MARCHF8: variants seen among roughly 807,000 people sequenced by gnomAD.
The protein encoded by MARCHF8 is E3 ubiquitin-protein ligase MARCHF8.
A neutral mutation model predicts 51.6 loss-of-function variants in MARCHF8; 40 were observed. The observed-to-expected ratio is 0.77, with a 90% CI of 0.60 to 1.01. The LOEUF (loss-of-function observed/expected upper bound fraction) is 1.01. Among genes scored for constraint, MARCHF8 ranks in the 50% least tolerant of loss-of-function variants. The pLI is 0.00. For missense variants in MARCHF8, 685 were observed against 708.6 expected (o/e 0.97, Z 0.38); for synonymous variants, 263 against 280.3 (o/e 0.94, Z 0.62).
In MARCHF8 at chr10:45,521,437, T is replaced by C. The variant is rs190158281; in HGVS notation, c.102+11673A>G. Among the ~76,000 whole-genome samples, 5 of 152,300 alleles carry C rather than the reference T, an allele frequency of 3.3e-5. No homozygotes were observed. The East Asian group carries it at 9.6e-4, about 29-fold the overall frequency. ...CCTTTCCTTCTTCAGAGTCGAAAAC[T>C]AGCTGCTCAGAAATGTGGGTGCATG... is the stretch of plus-strand genomic sequence containing the variant. On this transcript the variant is annotated intron_variant, in intron 2 of 7. Transcript: ENST00000453424.
In MARCHF8 at chr10:45,499,494, C is replaced by A. The variant is rs115071973; in HGVS notation, c.103-10077G>T. Among the ~76,000 whole-genome samples the A allele has an allele frequency of 6.7e-3, 1,025 of 152,160 alleles. 8 individuals are homozygous for A. The highest frequency in any genetic ancestry group is 0.024 in the African/African-American group (976 of 41,506). ...TTGCCTTTGCTTTTGGTGTCATATC[C>A]AAAAAATTTTTGCCAAATCCAAAGT... is the stretch of plus-strand genomic sequence containing the variant. On this transcript the variant is annotated intron_variant, in intron 2 of 7. Transcript: ENST00000453424.
chr10:45,527,709 T>G (rs1276039887), intron 2 of MARCHF8, among the ~76,000 whole-genome samples: 1 of 152,184 alleles, frequency 6.6e-6, no homozygotes, highest in Non-Finnish European at 1.5e-5. Flanking sequence ...CCAATCCTAT[T>G]GACAACACTG....
At chr10:45,516,678 C>T (rs1198872787) in intron 2 of MARCHF8, among the ~76,000 whole-genome samples, 3 of 152,084 alleles carry the variant, frequency 2.0e-5, no homozygotes, top group African/African-American at 4.8e-5. Context: ...GCAGGAGAAT[C>T]GCTTGAACCT....
chr10:45,589,605 T>C (rs1346018534), intron 1 of MARCHF8, among the ~76,000 whole-genome samples: 1 of 152,166 alleles, frequency 6.6e-6, no homozygotes, highest in African/African-American at 2.4e-5. Flanking sequence ...AGGCAACCAG[T>C]AATCTACTAT....
At chr10:45,540,761 C>T (rs1198196610) in intron 1 of MARCHF8, among the ~76,000 whole-genome samples, 12 of 152,200 alleles carry the variant, frequency 7.9e-5, no homozygotes, top group African/African-American at 1.9e-4. Flanking sequence ...GGGCGAAGGA[C>T]ATGAACAGAC....
At position 45,463,499 on chromosome 10, in the gene MARCHF8, G is replaced by A. The variant is rs1465254774; in HGVS notation, c.740C>T (p.Ala247Val). The stretch of plus-strand genomic sequence containing the variant: ...GCTTCGGGACGTGGCCTCACCATCC[G>A]CCTTCTCTTCCAGCAGCAGGCCGGG... ...GRPGLLLEEK[A>V]DGEATSRSRQ... Residue 247 changes from alanine to valine, a missense_variant, in exon 5 of 8, where the codon GCG becomes GTG. Physicochemically the swap from Ala to Val is moderately conservative, Grantham distance 64. Coordinates refer to ENST00000453424, the MANE Select transcript of MARCHF8 (RefSeq NM_001282866.2). 5.2e-6 allele frequency: 8 copies of A among 1,550,496 alleles called. No individual in the cohort carries two copies. Among genetic ancestry groups the A allele is most frequent in the East Asian group, 2.4e-5 (1 of 40,938 alleles).
chr10:45,458,647 G>T, intron 7 of MARCHF8, 104 bp from the exon 8 acceptor site: 1 of 1,267,856 alleles, frequency 7.9e-7, no homozygotes, highest in Non-Finnish European at 1.1e-6. Flanking sequence ...TGTTGTTGTT[G>T]TTGTTTTTTA....
Position 45,459,249 on chromosome 10 carries a change from T to G in MARCHF8, c.1288A>C (p.Thr430Pro). ...PLRKWEKLQM[T>P]SSERRKIMCS... ...ATGATCTTCCTGCGCTCGCTGGACG[T>G]CATCTGCAACTTCTCCCACTAGAAA... The change falls in exon 7 of 8, where the codon ACG becomes CCG. Residue 430 changes from threonine to proline, a missense_variant. Coordinates refer to ENST00000453424, the MANE Select transcript of MARCHF8 (RefSeq NM_001282866.2). The G allele has an allele frequency of 6.2e-7, 1 of 1,613,820 alleles. No individual in the cohort carries two copies. Among genetic ancestry groups the G allele is most frequent in the Non-Finnish European group, 8.5e-7 (1 of 1,179,918 alleles).
chr10:45,566,588 G>T (rs2044367229), intron 1 of MARCHF8, among the ~76,000 whole-genome samples: 1 of 152,030 alleles, frequency 6.6e-6, no homozygotes, highest in Admixed American at 6.6e-5. Context: ...CCATATTGCT[G>T]CAAATGACTG....
At chr10:45,591,952 C>A (rs1208877653) in intron 1 of MARCHF8, among the ~76,000 whole-genome samples, 1 of 152,142 alleles carries the variant, frequency 6.6e-6, no homozygotes, top group African/African-American at 2.4e-5. Context: ...TGAAGGGCAC[C>A]CATCCTTCCT....
At chr10:45,524,379 C>T (rs1018634380) in intron 2 of MARCHF8, among the ~76,000 whole-genome samples, 2 of 152,094 alleles carry the variant, frequency 1.3e-5, no homozygotes, top group South Asian at 2.1e-4. Flanking sequence ...AGGAAAAACA[C>T]GCTTGGAAGC....
chr10:45,470,567 T>C (rs960387516), intron 3 of MARCHF8, among the ~76,000 whole-genome samples: 4 of 152,164 alleles, frequency 2.6e-5, no homozygotes, highest in Non-Finnish European at 5.9e-5. Context: ...AACATGATCA[T>C]AGGAGTAATA....
chr10:45,574,369 C>T (rs1483998126), intron 1 of MARCHF8, among the ~76,000 whole-genome samples: 1 of 152,180 alleles, frequency 6.6e-6, no homozygotes, highest in African/African-American at 2.4e-5. Context: ...AATTGTTTTG[C>T]CTATCTACCC....
chr10:45,509,222 G>C (rs1265720408), intron 2 of MARCHF8, among the ~76,000 whole-genome samples: 2 of 152,168 alleles, frequency 1.3e-5, no homozygotes, highest in Admixed American at 1.3e-4. Flanking sequence ...CCCACATCCA[G>C]TGGAACAAAA....
At chr10:45,529,803 G>C (rs1342215557) in intron 2 of MARCHF8, among the ~76,000 whole-genome samples, 3 of 152,188 alleles carry the variant, frequency 2.0e-5, no homozygotes, top group Admixed American at 2.0e-4. Context: ...ATGTTGGCAA[G>C]GATGCAGATA....
At chr10:45,489,541 C>CTACTA in intron 2 of MARCHF8, 124 bp from the exon 3 acceptor site, 1 of 776,412 alleles carries the variant, frequency 1.3e-6, no homozygotes. Flanking sequence ...AAAGCACAAC[C>CTACTA]TACTATATAC....
intron 1 of MARCHF8, among the ~76,000 whole-genome samples, chr10:45,541,553 AAAACTT>A (rs1241422836): frequency 3.3e-5 from 5 of 152,232 alleles, no homozygotes; most frequent in Non-Finnish European, 7.3e-5. Context: ...CATGTACCCT[AAAACTT>A]AAAGTATAAT....
intron 2 of MARCHF8, among the ~76,000 whole-genome samples, chr10:45,520,240 A>G (rs1173929735): frequency 6.6e-6 from 1 of 152,208 alleles, no homozygotes; most frequent in African/African-American, 2.4e-5. Flanking sequence ...AATGATATGT[A>G]AGTGTTAGCC....
At chr10:45,583,987 C>T (rs1226749977) in intron 1 of MARCHF8, among the ~76,000 whole-genome samples, 1 of 106,380 alleles carries the variant, frequency 9.4e-6, no homozygotes, top group Non-Finnish European at 1.7e-5. Context: ...GCCTGGGTGA[C>T]AGAGCGAGAC....
Sources: gnomAD v4.1 joint callset for allele counts (sites outside exome capture counted in the v4.1 genomes callset) on GRCh38, gnomAD v4.1.1 for gene constraint, MANE v1.5 for transcripts, NCBI Gene and HGNC (gene_info 2026-07-23, HGNC 2026-07-21) for gene names.